ARID4B: variants seen among roughly 807,000 people sequenced by gnomAD.
ARID4B encodes the protein AT-rich interactive domain-containing protein 4B.
In ARID4B, 26 loss-of-function variants were observed where a neutral mutation model predicts 147.5. The observed-to-expected ratio is 0.18, with a 90% CI of 0.13 to 0.24. The LOEUF (loss-of-function observed/expected upper bound fraction) is 0.24. Among genes scored for constraint, ARID4B ranks in the 10% least tolerant of loss-of-function variants. ARID4B has a pLI of 1.00. For missense variants in ARID4B, 1,179 were observed against 1,511.5 expected, an observed-to-expected ratio of 0.78 and a Z score of 3.65; for synonymous variants, 512 against 507.9, an observed-to-expected ratio of 1.01 and a Z score of -0.11.
intron 2 of ARID4B, among the ~76,000 whole-genome samples, chr1:235,314,789 C>T (rs529723975): frequency 9.0e-4 from 137 of 151,850 alleles, no homozygotes; most frequent in African/African-American, 3.0e-3. Context: ...TTTATAAATA[C>T]GTATTTATAT....
intron 9 of ARID4B, among the ~76,000 whole-genome samples, chr1:235,233,895 AC>A (rs1403316841): frequency 2.0e-5 from 3 of 152,172 alleles, no homozygotes; most frequent in Non-Finnish European, 4.4e-5. Context: ...CCTGGACAAC[AC>A]AGTGAATCCC....
At chr1:235,217,244 A>C (rs751301861) in intron 16 of ARID4B, among the ~76,000 whole-genome samples, 3 of 152,202 alleles carry the variant, frequency 2.0e-5, no homozygotes, top group Non-Finnish European at 4.4e-5. Flanking sequence ...ACTGGCAATC[A>C]ACCAAAGAAA....
At chr1:235,189,390 A>C (rs1235827973) in intron 19 of ARID4B, among the ~76,000 whole-genome samples, 1 of 117,424 alleles carries the variant, frequency 8.5e-6, no homozygotes, top group Admixed American at 9.5e-5. Context: ...ACAGAGTGAG[A>C]CTCAGTCTCA....
At chr1:235,229,097 C>T (rs1190449768) in intron 11 of ARID4B, 134 bp downstream of exon 11, 1 of 1,076,384 alleles carries the variant, frequency 9.3e-7, no homozygotes, top group Non-Finnish European at 1.3e-6. Flanking sequence ...ATGAGGATCT[C>T]AAATACAAGA....
At chr1:235,225,255 C>T (rs1667755745) in intron 11 of ARID4B, among the ~76,000 whole-genome samples, 1 of 152,202 alleles carries the variant, frequency 6.6e-6, no homozygotes, top group South Asian at 2.1e-4. Context: ...TCATTTTATG[C>T]AGCCCCACTG....
At chr1:235,189,103 A>T (rs1259912226) in intron 19 of ARID4B, among the ~76,000 whole-genome samples, 1 of 152,186 alleles carries the variant, frequency 6.6e-6, no homozygotes, top group Non-Finnish European at 1.5e-5. Flanking sequence ...GTTTAATTTA[A>T]AAATATTCAT....
chr1:235,245,055 A>G (rs536132361), intron 7 of ARID4B, among the ~76,000 whole-genome samples: 127 of 152,286 alleles, frequency 8.3e-4, no homozygotes, highest in African/African-American at 3.0e-3. Flanking sequence ...GCAAAACAAG[A>G]TTACAGATGG....
intron 14 of ARID4B, 96 bp downstream of exon 14, chr1:235,221,469 C>A (rs1250247774): frequency 6.1e-6 from 4 of 657,910 alleles, no homozygotes; most frequent in African/African-American, 1.8e-5. Flanking sequence ...GTTCTGATTT[C>A]TTTAAAGAAA....
chr1:235,300,201 A>G (rs542232638), intron 2 of ARID4B, among the ~76,000 whole-genome samples: 1 of 152,304 alleles, frequency 6.6e-6, no homozygotes, highest in East Asian at 1.9e-4. Flanking sequence ...AAACCGCTTG[A>G]GGTCAGGAGT....
At chr1:235,208,813 G>A (rs772332913) in intron 17 of ARID4B, among the ~76,000 whole-genome samples, 1 of 152,020 alleles carries the variant, frequency 6.6e-6, no homozygotes, top group Non-Finnish European at 1.5e-5. Context: ...CACCGTGCCC[G>A]GCCGGCCAGC....
At chr1:235,217,253 A>G (rs1667152161) in intron 16 of ARID4B, among the ~76,000 whole-genome samples, 1 of 152,252 alleles carries the variant, frequency 6.6e-6, no homozygotes, top group African/African-American at 2.4e-5. Flanking sequence ...CAACCAAAGA[A>G]AACTATTCTA....
intron 3 of ARID4B, 151 bp from the exon 4 acceptor site, chr1:235,257,376 AATT>A: frequency 1.8e-6 from 1 of 558,878 alleles, no homozygotes; most frequent in Non-Finnish European, 3.2e-6. Context: ...TTAACTAAAA[AATT>A]ATTTACAGAC....
At chr1:235,216,883 A>G (rs1371101989) in intron 16 of ARID4B, among the ~76,000 whole-genome samples, 1 of 152,104 alleles carries the variant, frequency 6.6e-6, no homozygotes, top group Admixed American at 6.6e-5. Flanking sequence ...TGTGGCCACA[A>G]TAAAAGAGAT....
intron 11 of ARID4B, 22 bp downstream of exon 11, chr1:235,229,209 G>A: frequency 2.5e-6 from 4 of 1,601,870 alleles, no homozygotes; most frequent in Non-Finnish European, 3.4e-6. Flanking sequence ...AATTTTAAAA[G>A]GTATCAACTG....
At chr1:235,225,980 G>A (rs1362704758) in intron 11 of ARID4B, among the ~76,000 whole-genome samples, 1 of 152,072 alleles carries the variant, frequency 6.6e-6, no homozygotes, top group Non-Finnish European at 1.5e-5. Context: ...GTTTTGGTAA[G>A]GTGATCAAAT....
At chr1:235,186,265 CCT>C (rs1251534469) in intron 19 of ARID4B, among the ~76,000 whole-genome samples, 2 of 152,030 alleles carry the variant, frequency 1.3e-5, no homozygotes, top group African/African-American at 4.8e-5. Flanking sequence ...CCGCGCCTGG[CCT>C]CTCTCCTCTG....
chr1:235,205,670 TCAA>T (rs1003357713), intron 17 of ARID4B, among the ~76,000 whole-genome samples: 6 of 152,110 alleles, frequency 3.9e-5, no homozygotes, highest in African/African-American at 1.2e-4. Flanking sequence ...GAACTATAAT[TCAA>T]CAACAACAAA....
intron 17 of ARID4B, among the ~76,000 whole-genome samples, chr1:235,205,365 CA>C (rs1199678170): frequency 1.3e-5 from 2 of 152,070 alleles, no homozygotes; most frequent in Non-Finnish European, 2.9e-5. Context: ...TTAATATTTC[CA>C]ATCAAATTCA....
At chr1:235,283,855 C>T (rs1395040605) in intron 2 of ARID4B, among the ~76,000 whole-genome samples, 1 of 152,130 alleles carries the variant, frequency 6.6e-6, no homozygotes, top group Non-Finnish European at 1.5e-5. Context: ...ATGCCTCAGC[C>T]TCCCGAGTAG....
Sources: allele counts gnomAD v4.1 joint callset (sites outside exome capture counted in the v4.1 genomes callset), GRCh38; gene constraint gnomAD v4.1.1; transcripts MANE v1.5; gene names NCBI Gene and HGNC (gene_info 2026-07-23, HGNC 2026-07-21).